MRTFB: variants seen among roughly 807,000 people sequenced by gnomAD.
MRTFB encodes the protein myocardin related transcription factor B, also known as myocardin-related transcription factor B.
Under a neutral mutation model 104.2 loss-of-function variants are expected in MRTFB, and 29 were observed. The observed-to-expected ratio is 0.28, with a 90% CI of 0.21 to 0.38. The LOEUF (loss-of-function observed/expected upper bound fraction) is 0.38, where lower values mean the gene tolerates loss of function less well. Ranked by LOEUF, MRTFB falls within the 10% of genes least tolerant of loss-of-function variation. The pLI is 1.00. For synonymous variants in MRTFB, 535 were observed against 519.5 expected (o/e 1.03, Z -0.41); for missense variants, 1,270 against 1,341.6 (o/e 0.95, Z 0.83).
chr16:14,203,474 A>G (rs569398536), intron 3 of MRTFB, among the ~76,000 whole-genome samples: 21 of 152,184 alleles, frequency 1.4e-4, no homozygotes, highest in Non-Finnish European at 2.9e-4. Context: ...GCTCTTTGTT[A>G]TTAATATGCT....
At chr16:14,181,554 T>G (rs901956782) in intron 3 of MRTFB, among the ~76,000 whole-genome samples, 2 of 152,230 alleles carry the variant, frequency 1.3e-5, no homozygotes, top group African/African-American at 4.8e-5. Context: ...TCATCTTTAC[T>G]CAATCTTTAT....
chr16:13,996,226 C>A, the MRTFB span, among the ~76,000 whole-genome samples: 2 of 151,724 alleles, frequency 1.3e-5, no homozygotes, highest in East Asian at 3.9e-4. Context: ...GAGCCAAGAT[C>A]GTGCCGTTGC....
At chr16:14,147,602 GA>G (rs1454959663) in intron 3 of MRTFB, among the ~76,000 whole-genome samples, 1 of 152,198 alleles carries the variant, frequency 6.6e-6, no homozygotes, top group Admixed American at 6.5e-5. Context: ...TGGAGCGAGG[GA>G]GGGGGCTGTG....
intron 8 of MRTFB, among the ~76,000 whole-genome samples, 157 bp downstream of exon 8, chr16:14,219,155 A>G (rs553511993): frequency 1.3e-5 from 2 of 152,256 alleles, no homozygotes; most frequent in African/African-American, 4.8e-5. Context: ...CCAGGAAGGT[A>G]ATAAAGATTT....
the MRTFB span, among the ~76,000 whole-genome samples, chr16:14,035,301 C>T: frequency 6.6e-6 from 1 of 152,186 alleles, no homozygotes; most frequent in Admixed American, 6.5e-5. Context: ...CAGGAGGTGG[C>T]AGGTCACCAG....
intron 3 of MRTFB, among the ~76,000 whole-genome samples, chr16:14,194,203 A>G (rs529063458): frequency 9.2e-5 from 14 of 152,356 alleles, no homozygotes; most frequent in South Asian, 6.2e-4. Flanking sequence ...TTATACTGCA[A>G]TAACAAAATA....
At chr16:13,995,993 C>A in the MRTFB span, among the ~76,000 whole-genome samples, 2 of 152,076 alleles carry the variant, frequency 1.3e-5, no homozygotes, top group South Asian at 4.2e-4. Context: ...ACCAGGCAGC[C>A]GGGCACGGTG....
the MRTFB span, among the ~76,000 whole-genome samples, chr16:14,049,861 T>C: frequency 6.6e-6 from 1 of 152,170 alleles, no homozygotes; most frequent in Non-Finnish European, 1.5e-5. Context: ...GCCTCCCGAG[T>C]AGGTGGTACT....
the MRTFB span, among the ~76,000 whole-genome samples, chr16:14,036,296 T>TTA: frequency 0.44 from 42,961 of 98,110 alleles, 10,830 homozygotes; most frequent in Non-Finnish European, 0.53. Flanking sequence ...TTATATATAT[T>TTA]TATATATATA....
chr16:14,080,352 TATTTA>T (rs1464819875), intron 2 of MRTFB, among the ~76,000 whole-genome samples: 1 of 152,230 alleles, frequency 6.6e-6, no homozygotes, highest in Non-Finnish European at 1.5e-5. Context: ...CAAATTTATT[TATTTA>T]TTTTAAATAG....
chr16:14,234,917 C>G (rs1046194534), intron 9 of MRTFB, among the ~76,000 whole-genome samples: 1 of 152,176 alleles, frequency 6.6e-6, no homozygotes, highest in African/African-American at 2.4e-5. Context: ...TTTAGAACTT[C>G]TAGATATGGT....
At chr16:14,084,776 A>C (rs1361671121) in intron 2 of MRTFB, among the ~76,000 whole-genome samples, 1 of 152,170 alleles carries the variant, frequency 6.6e-6, no homozygotes, top group African/African-American at 2.4e-5. Flanking sequence ...GTGATCTTTA[A>C]TTTTATATTT....
At chr16:14,258,497 A>T (rs2043616105) in intron 16 of MRTFB, among the ~76,000 whole-genome samples, 1 of 152,164 alleles carries the variant, frequency 6.6e-6, no homozygotes. Context: ...TAGGAAGTTG[A>T]GGTAGGAAGA....
At chr16:14,112,683 C>T (rs1171332406) in intron 2 of MRTFB, among the ~76,000 whole-genome samples, 1 of 152,246 alleles carries the variant, frequency 6.6e-6, no homozygotes, top group Non-Finnish European at 1.5e-5. Flanking sequence ...GCTGTTTCTG[C>T]TCCAGGCACT....
intron 8 of MRTFB, 30 bp downstream of exon 8, chr16:14,219,028 G>A (rs1281271209): frequency 1.3e-6 from 2 of 1,542,746 alleles, no homozygotes; most frequent in South Asian, 1.2e-5. Context: ...GACCCCTAAA[G>A]AAAGAAAATG....
the MRTFB span, among the ~76,000 whole-genome samples, chr16:14,046,035 C>G: frequency 1.3e-5 from 2 of 152,064 alleles, no homozygotes; most frequent in African/African-American, 4.8e-5. Flanking sequence ...TTGGGGCTGG[C>G]GTCTACTTTG....
the MRTFB span, among the ~76,000 whole-genome samples, chr16:14,048,392 C>T: frequency 1.3e-5 from 2 of 152,174 alleles, no homozygotes; most frequent in African/African-American, 2.4e-5. Flanking sequence ...GACCCAGAGC[C>T]AGCTCTGCAA....
chr16:14,151,020 G>A (rs746760490), intron 3 of MRTFB: 1 of 152,168 alleles, frequency 6.6e-6, no homozygotes, highest in Admixed American at 6.5e-5. Flanking sequence ...AGAGACAACT[G>A]CTCACGCGGA....
intron 9 of MRTFB, among the ~76,000 whole-genome samples, chr16:14,237,906 G>A (rs907117645): frequency 1.3e-5 from 2 of 152,146 alleles, no homozygotes; most frequent in African/African-American, 4.8e-5. Flanking sequence ...AAAATTAAAG[G>A]ACCAGAAAAA....
Sources: gnomAD v4.1 joint callset for allele counts (sites outside exome capture counted in the v4.1 genomes callset) on GRCh38, gnomAD v4.1.1 for gene constraint, MANE v1.5 for transcripts, NCBI Gene and HGNC (gene_info 2026-07-23, HGNC 2026-07-21) for gene names.